The following SYN3 variants were observed in gnomAD, a reference collection of about 807,000 sequenced individuals.
SYN3 encodes the protein synapsin-3.
A neutral mutation model predicts 65.8 loss-of-function variants in SYN3; 35 were observed. The ratio of observed to expected loss-of-function variants is 0.53; its 90% CI spans 0.41 to 0.70. The LOEUF (loss-of-function observed/expected upper bound fraction) is 0.70. Among genes scored for constraint, SYN3 ranks in the 30% least tolerant of loss-of-function variants. SYN3 has a pLI of 0.00. For synonymous variants in SYN3, 270 were observed against 292.9 expected (o/e 0.92, Z 0.80); for missense variants, 680 against 749.0 (o/e 0.91, Z 1.08).
intron 4 of SYN3, among the ~76,000 whole-genome samples, chr22:32,879,743 T>A (rs1227363068): frequency 6.6e-6 from 1 of 152,232 alleles, no homozygotes; most frequent in African/African-American, 2.4e-5. Flanking sequence ...CCTGAGTACC[T>A]AGCCGGTGTT....
At chr22:32,742,802 G>T (rs2044814451) in intron 6 of SYN3, among the ~76,000 whole-genome samples, 1 of 152,140 alleles carries the variant, frequency 6.6e-6, no homozygotes. Flanking sequence ...ATTGTGCATA[G>T]TATGCTTTAA....
intron 6 of SYN3, among the ~76,000 whole-genome samples, chr22:32,602,516 T>C (rs919703415): frequency 1.3e-5 from 2 of 152,138 alleles, no homozygotes; most frequent in African/African-American, 4.8e-5. Flanking sequence ...GGCTGGAGTG[T>C]AGTGACACGA....
chr22:32,845,209 T>C (rs1010037344), intron 6 of SYN3, among the ~76,000 whole-genome samples: 3 of 152,158 alleles, frequency 2.0e-5, no homozygotes, highest in Non-Finnish European at 4.4e-5. Flanking sequence ...ATAAACTTTT[T>C]TTTTTTGAGA....
At chr22:32,978,234 G>A (rs1451053197) in intron 3 of SYN3, among the ~76,000 whole-genome samples, 1 of 152,084 alleles carries the variant, frequency 6.6e-6, no homozygotes, top group Non-Finnish European at 1.5e-5. Flanking sequence ...GGGGATGAAG[G>A]GAGAAGTGGA....
intron 12 of SYN3, among the ~76,000 whole-genome samples, chr22:32,523,728 C>A (rs554196385): frequency 7.9e-5 from 12 of 152,292 alleles, no homozygotes; most frequent in African/African-American, 2.9e-4. Flanking sequence ...ACATCTCTTA[C>A]TTTTAAATAA....
chr22:32,686,625 C>T lies in SYN3; in HGVS notation c.712-89889G>A, dbSNP rs1332516639. ...TTTTTTTTTTTTTTTGAGACAGTCT[C>T]GCTCTGCTGCATCTGGGCTGGAGTG... On this transcript the variant is annotated intron_variant, in intron 6 of 13. Transcript: ENST00000358763. Among the ~76,000 whole-genome samples, 4 of 133,190 alleles carry T rather than the reference C, an allele frequency of 3.0e-5. No individual in the cohort carries two copies. In the Admixed American group the frequency reaches 3.2e-4, roughly 11 times the overall value. 87.4% of individuals were successfully genotyped at this position (133,190 alleles called of 152,430 possible).
intron 6 of SYN3, among the ~76,000 whole-genome samples, chr22:32,711,161 G>T (rs2060960240): frequency 6.6e-6 from 1 of 152,146 alleles, no homozygotes; most frequent in Non-Finnish European, 1.5e-5. Flanking sequence ...AACTGGAATG[G>T]GTTGGTCACC....
chr22:32,752,588 C>T (rs569015888), intron 6 of SYN3, among the ~76,000 whole-genome samples: 1 of 152,336 alleles, frequency 6.6e-6, no homozygotes, highest in Non-Finnish European at 1.5e-5. Flanking sequence ...GAGCACTTGC[C>T]GCGTGCCGGG....
chr22:32,815,541 G>A (rs148221119), intron 6 of SYN3, among the ~76,000 whole-genome samples: 16 of 152,196 alleles, frequency 1.1e-4, no homozygotes, highest in African/African-American at 3.9e-4. Flanking sequence ...TTTCTACTTT[G>A]CAGATGAAAA....
chr22:32,567,236 C>G lies in SYN3; in HGVS notation c.775-25523G>C, dbSNP rs141324880. On this transcript the variant is annotated intron_variant, in intron 7 of 13. Coordinates refer to ENST00000358763, the MANE Select transcript of SYN3 (RefSeq NM_003490.4). ...TTTCTCCAACTGTGCTCAGCAGTGT[C>G]AGTTTAGGAAAGGAGAAGGCCCATC... Among the ~76,000 whole-genome samples the G allele has an allele frequency of 8.7e-4, 132 of 152,144 alleles. 1 individual carries two copies. Among genetic ancestry groups the G allele is most frequent in the African/African-American group, 3.0e-3 (125 of 41,518 alleles).
At chr22:32,899,420 G>A (rs1044768073) in intron 4 of SYN3, among the ~76,000 whole-genome samples, 2 of 152,180 alleles carry the variant, frequency 1.3e-5, no homozygotes, top group Non-Finnish European at 2.9e-5. Context: ...GCAGGAGTGG[G>A]ACTGGGGAAC....
intron 6 of SYN3, among the ~76,000 whole-genome samples, chr22:32,778,354 T>C (rs1046812134): frequency 8.5e-5 from 13 of 152,126 alleles, no homozygotes; most frequent in African/African-American, 3.1e-4. Flanking sequence ...AGAGGCACGA[T>C]CTTGGCTCAC....
intron 6 of SYN3, among the ~76,000 whole-genome samples, chr22:32,824,582 A>AAT (rs920957356): frequency 2.0e-5 from 3 of 152,090 alleles, no homozygotes; most frequent in African/African-American, 7.2e-5. Flanking sequence ...ATAATTAAAT[A>AAT]ATATATATAT....
intron 4 of SYN3, among the ~76,000 whole-genome samples, chr22:32,879,222 A>G (rs1452005091): frequency 1.3e-5 from 2 of 152,214 alleles, no homozygotes; most frequent in Non-Finnish European, 2.9e-5. Flanking sequence ...CCAGGGAGGT[A>G]AAGTTTCATG....
chr22:32,653,045 G>T (rs1435693921), intron 6 of SYN3, among the ~76,000 whole-genome samples: 2 of 152,022 alleles, frequency 1.3e-5, no homozygotes, highest in African/African-American at 4.8e-5. Context: ...TCCCTCTGTG[G>T]GTGCTTTGCT....
At chr22:32,847,626 T>C (rs1365189976) in intron 6 of SYN3, among the ~76,000 whole-genome samples, 1 of 151,976 alleles carries the variant, frequency 6.6e-6, no homozygotes, top group East Asian at 1.9e-4. Context: ...GAGATTAGAG[T>C]CAAATAACTG....
In SYN3 at chr22:32,868,585, G is replaced by A. The variant is rs189707667; in HGVS notation, c.621+381C>T. 4.7e-3 allele frequency among the ~76,000 whole-genome samples: 718 copies of A among 151,590 alleles called. 4 individuals are homozygous for A. Among genetic ancestry groups the A allele is most frequent in the Non-Finnish European group, 6.4e-3 (434 of 67,888 alleles). ...CCTCCCGAGTAGCTGGGATTACAGC[G>A]GGATTACAGACATGCGCCACCATGC... On this transcript the variant is annotated intron_variant, in intron 5 of 13. Coordinates refer to ENST00000358763, the MANE Select transcript of SYN3 (RefSeq NM_003490.4).
At chr22:32,603,241 G>A (rs5754164) in intron 6 of SYN3, among the ~76,000 whole-genome samples, 35,406 of 151,678 alleles carry the variant, frequency 0.23, 5,301 homozygotes, top group African/African-American at 0.42. Flanking sequence ...GGCCGGGCGC[G>A]GTGGCTCATG....
chr22:32,874,146 G>T (rs551707810), intron 4 of SYN3, among the ~76,000 whole-genome samples: 15 of 152,104 alleles, frequency 9.9e-5, no homozygotes, highest in Admixed American at 2.0e-4. Context: ...AAAAGAAAAA[G>T]AAAGTAAAAA....
Sources: gnomAD v4.1 joint callset for allele counts (sites outside exome capture counted in the v4.1 genomes callset) on GRCh38, gnomAD v4.1.1 for gene constraint, MANE v1.5 for transcripts, NCBI Gene and HGNC (gene_info 2026-07-23, HGNC 2026-07-21) for gene names.